Variants in NCKAP5 observed in about 807,000 individuals in gnomAD.
NCKAP5 encodes nck-associated protein 5.
In NCKAP5, 92 loss-of-function variants were observed where a neutral mutation model predicts 167.0. That is an observed-to-expected ratio of 0.55 (90% CI 0.47 to 0.66). The LOEUF (loss-of-function observed/expected upper bound fraction) is 0.66, where lower values mean the gene tolerates loss of function less well. Among genes scored for constraint, NCKAP5 ranks in the 30% least tolerant of loss-of-function variants. The pLI, the probability that NCKAP5 is intolerant of heterozygous loss-of-function variation, is 0.00. For missense variants in NCKAP5, 2,378 were observed against 2,315.0 expected, an observed-to-expected ratio of 1.03 and a Z score of -0.56; for synonymous variants, 891 against 877.4, an observed-to-expected ratio of 1.02 and a Z score of -0.27.
At chr2:133,091,239 G>A (rs1195169868) in intron 6 of NCKAP5, among the ~76,000 whole-genome samples, 1 of 152,080 alleles carries the variant, frequency 6.6e-6, no homozygotes, top group Non-Finnish European at 1.5e-5. Flanking sequence ...TTTCTTCATA[G>A]GCATGCAAGA....
At chr2:133,031,055 G>A (rs1261207495) in intron 6 of NCKAP5, among the ~76,000 whole-genome samples, 2 of 152,072 alleles carry the variant, frequency 1.3e-5, no homozygotes, top group Non-Finnish European at 2.9e-5. Flanking sequence ...TGGAATACAA[G>A]GCTTTGCCGA....
chr2:133,565,538 G>A lies in NCKAP5; in HGVS notation c.-130+2678C>T, dbSNP rs145843293. On this transcript the variant is annotated intron_variant, in intron 1 of 19. Coordinates refer to ENST00000409261, the MANE Select transcript of NCKAP5 (RefSeq NM_207363.3). ...AGTGGCAGAAGCAGGACTTGAGCCT[G>A]GGCAGGCCAGTTCCAGAGTCCAAGT... 3.5e-3 allele frequency among the ~76,000 whole-genome samples: 528 copies of A among 152,318 alleles called. 6 individuals are homozygous for A. The highest frequency in any genetic ancestry group is 0.012 in the African/African-American group (499 of 41,582).
chr2:133,073,599 C>G (rs2080496755), intron 6 of NCKAP5, among the ~76,000 whole-genome samples: 1 of 152,172 alleles, frequency 6.6e-6, no homozygotes, highest in Non-Finnish European at 1.5e-5. Flanking sequence ...CCTAACCCGG[C>G]TGGCTGATTG....
At chr2:132,840,276 ATTT>A (rs199908793) in intron 11 of NCKAP5, among the ~76,000 whole-genome samples, 23 of 135,180 alleles carry the variant, frequency 1.7e-4, no homozygotes, top group East Asian at 7.0e-4. Context: ...ATTGCACAGC[ATTT>A]TTTTTTTTTT....
intron 2 of NCKAP5, among the ~76,000 whole-genome samples, chr2:133,522,253 C>T (rs1353263493): frequency 1.3e-5 from 2 of 152,180 alleles, no homozygotes; most frequent in Non-Finnish European, 2.9e-5. Context: ...ACCAGCAATG[C>T]CCCAGTCTGT....
intron 6 of NCKAP5, among the ~76,000 whole-genome samples, chr2:133,100,825 T>C (rs2081488806): frequency 6.6e-6 from 1 of 152,222 alleles, no homozygotes; most frequent in Admixed American, 6.5e-5. Flanking sequence ...AGATGTGAGA[T>C]TATAGTTACC....
At chr2:132,786,139 T>C (rs16841329) in intron 13 of NCKAP5, among the ~76,000 whole-genome samples, 6,638 of 152,270 alleles carry the variant, frequency 0.044, 313 homozygotes, top group African/African-American at 0.11. Context: ...TAAACTTACC[T>C]AGCTCTTGAA....
chr2:133,429,704 C>A (rs1690038750), intron 3 of NCKAP5, among the ~76,000 whole-genome samples: 1 of 151,990 alleles, frequency 6.6e-6, no homozygotes, highest in Admixed American at 6.6e-5. Context: ...TTTTATTTAC[C>A]CAATCCACCG....
chr2:132,859,860 G>T (rs1689750301), intron 11 of NCKAP5, among the ~76,000 whole-genome samples: 2 of 152,196 alleles, frequency 1.3e-5, no homozygotes, highest in African/African-American at 4.8e-5. Context: ...TTTCCCTGCA[G>T]TGGGACATAT....
At chr2:133,440,709 CAAAAAAAAAAAAAA>C (rs1174654151) in intron 3 of NCKAP5, among the ~76,000 whole-genome samples, 1 of 32,662 alleles carries the variant, frequency 3.1e-5, no homozygotes, top group East Asian at 7.4e-4. Context: ...GACTCTGTCT[CAAAAAAAAAAAAAA>C]AAAAAAAAAA....
chr2:133,584,849 T>A, the NCKAP5 span, among the ~76,000 whole-genome samples: 2 of 151,556 alleles, frequency 1.3e-5, no homozygotes, highest in African/African-American at 2.4e-5. Context: ...AGAGCTAATA[T>A]ACAATATAAG....
At chr2:132,841,069 C>T (rs1688263779) in intron 11 of NCKAP5, among the ~76,000 whole-genome samples, 1 of 152,034 alleles carries the variant, frequency 6.6e-6, no homozygotes, top group Non-Finnish European at 1.5e-5. Flanking sequence ...GTACTTGGTT[C>T]TCTTGATATT....
chr2:132,865,369 G>A (rs1366896292), intron 10 of NCKAP5, among the ~76,000 whole-genome samples: 1 of 152,092 alleles, frequency 6.6e-6, no homozygotes, highest in Non-Finnish European at 1.5e-5. Context: ...AGTCACTTGA[G>A]CCCATTACCA....
chr2:132,810,735 A>G (rs892931892), intron 11 of NCKAP5, among the ~76,000 whole-genome samples: 1 of 152,172 alleles, frequency 6.6e-6, no homozygotes, highest in Non-Finnish European at 1.5e-5. Context: ...CTCCCTGATT[A>G]GCTTGGTAAC....
chr2:133,515,822 A>C (rs1358395756), intron 3 of NCKAP5, among the ~76,000 whole-genome samples: 1 of 152,202 alleles, frequency 6.6e-6, no homozygotes, highest in African/African-American at 2.4e-5. Context: ...GTCCTGCCCT[A>C]TCCCTGCCTT....
upstream of NCKAP5, among the ~76,000 whole-genome samples, chr2:133,572,361 C>T (rs1688897013): frequency 6.6e-6 from 1 of 152,212 alleles, no homozygotes; most frequent in African/African-American, 2.4e-5. Context: ...GTGACTTCTG[C>T]TCCTTTATGT....
chr2:133,286,317 C>G (rs1208503335), intron 4 of NCKAP5, among the ~76,000 whole-genome samples: 3 of 152,092 alleles, frequency 2.0e-5, no homozygotes, highest in Non-Finnish European at 1.5e-5. Flanking sequence ...TTCTTAACCA[C>G]AAATAAAGTC....
intron 6 of NCKAP5, among the ~76,000 whole-genome samples, chr2:133,048,113 T>A (rs1449462976): frequency 2.6e-5 from 4 of 152,170 alleles, no homozygotes; most frequent in African/African-American, 9.6e-5. Context: ...AGTTTCACAG[T>A]CAAAGGAGGA....
chr2:132,945,278 G>A (rs1697617362), intron 8 of NCKAP5, among the ~76,000 whole-genome samples: 1 of 151,984 alleles, frequency 6.6e-6, no homozygotes, highest in Non-Finnish European at 1.5e-5. Flanking sequence ...CACCTGCTAA[G>A]GTGAGGCGGG....
Sources: gnomAD v4.1 joint callset for allele counts (sites outside exome capture counted in the v4.1 genomes callset) on GRCh38, gnomAD v4.1.1 for gene constraint, MANE v1.5 for transcripts, NCBI Gene and HGNC (gene_info 2026-07-23, HGNC 2026-07-21) for gene names.